The following GML variants were observed in gnomAD, a reference collection of about 807,000 sequenced individuals.
GML encodes glycosylphosphatidylinositol anchored molecule like, also known as glycosyl-phosphatidylinositol-anchored molecule-like protein.
Under a neutral mutation model 8.2 loss-of-function variants are expected in GML, and 5 were observed. The ratio of observed to expected loss-of-function variants is 0.61; its 90% CI spans 0.32 to 1.28. The LOEUF (loss-of-function observed/expected upper bound fraction) is 1.28, where lower values mean the gene tolerates loss of function less well. GML is among the 50% of genes most tolerant of loss of function. The pLI is 0.06. For synonymous variants in GML, 72 were observed against 69.0 expected (o/e 1.04, Z -0.22); for missense variants, 191 against 198.3 (o/e 0.96, Z 0.22).
chr8:142,835,654 T>C (rs1816329593), intron 1 of GML, among the ~76,000 whole-genome samples: 1 of 152,226 alleles, frequency 6.6e-6, no homozygotes, highest in Admixed American at 6.5e-5. Context: ...TATTTCTTAT[T>C]TGGAGGTGTG....
intron 1 of GML, among the ~76,000 whole-genome samples, chr8:142,837,443 G>A (rs992121451): frequency 4.6e-5 from 7 of 152,044 alleles, no homozygotes; most frequent in African/African-American, 1.7e-4. Flanking sequence ...GTGAACCGAG[G>A]CTTAGAGTTG....
chr8:142,839,817 A>G (rs930660997), intron 1 of GML, among the ~76,000 whole-genome samples: 7 of 151,658 alleles, frequency 4.6e-5, no homozygotes, highest in African/African-American at 1.7e-4. Flanking sequence ...GGTGCCCCAG[A>G]CCCTCCCCTT....
chr8:142,837,161 G>T (rs1196365772), intron 1 of GML, among the ~76,000 whole-genome samples: 2 of 152,068 alleles, frequency 1.3e-5, no homozygotes, highest in African/African-American at 2.4e-5. Flanking sequence ...GGGCGTAGTG[G>T]CGTGCGCCCA....
chr8:142,842,200 G>A (rs1586544909), intron 3 of GML, among the ~76,000 whole-genome samples: 1 of 152,268 alleles, frequency 6.6e-6, no homozygotes, highest in African/African-American at 2.4e-5. Context: ...TGAAGCATGT[G>A]TTTGCTACCC....
At chr8:142,839,136 A>T (rs1311953644) in intron 1 of GML, among the ~76,000 whole-genome samples, 1 of 152,150 alleles carries the variant, frequency 6.6e-6, no homozygotes. Context: ...CAGGGAAAGC[A>T]GGCACGACAG....
chr8:142,839,778 A>G (rs1203686608), intron 1 of GML, among the ~76,000 whole-genome samples: 1 of 152,142 alleles, frequency 6.6e-6, no homozygotes, highest in Non-Finnish European at 1.5e-5. Context: ...TTCTGAGCCC[A>G]CAGTGCTGGC....
At chr8:142,840,569 G>T in intron 2 of GML, 59 bp downstream of exon 2, 1 of 1,224,802 alleles carries the variant, frequency 8.2e-7, no homozygotes, top group Non-Finnish European at 1.2e-6. Context: ...GGGGTGCTGG[G>T]GGTCACTGGG....
At chr8:142,836,834 T>A (rs1047317991) in intron 1 of GML, among the ~76,000 whole-genome samples, 3 of 151,326 alleles carry the variant, frequency 2.0e-5, no homozygotes, top group Non-Finnish European at 4.4e-5. Context: ...TGAAGCCATC[T>A]TGAGCGGTGC....
At chr8:142,839,791 C>T (rs567383062) in intron 1 of GML, among the ~76,000 whole-genome samples, 1 of 152,268 alleles carries the variant, frequency 6.6e-6, no homozygotes, top group East Asian at 1.9e-4. Context: ...GTGCTGGCAT[C>T]AGGACTCAGG....
chr8:142,846,257 C>G, intron 3 of GML, 138 bp from the exon 4 acceptor site: 1 of 625,622 alleles, frequency 1.6e-6, no homozygotes, highest in Non-Finnish European at 2.8e-6. Context: ...GTCAAGTGTT[C>G]TAGACAATTT....
intron 1 of GML, among the ~76,000 whole-genome samples, chr8:142,840,012 C>T (rs1049091720): frequency 6.8e-6 from 1 of 146,958 alleles, no homozygotes; most frequent in African/African-American, 2.7e-5. Context: ...GAGCGGGAAG[C>T]GCGTCAGTGG....
At chr8:142,841,537 A>G (rs1816434744) in intron 3 of GML, among the ~76,000 whole-genome samples, 1 of 152,150 alleles carries the variant, frequency 6.6e-6, no homozygotes, top group African/African-American at 2.4e-5. Flanking sequence ...TAGACACCCC[A>G]TGCTGCCTGG....
At chr8:142,841,500 A>T (rs778360639) in intron 3 of GML, among the ~76,000 whole-genome samples, 26 of 152,198 alleles carry the variant, frequency 1.7e-4, no homozygotes, top group Non-Finnish European at 2.9e-4. Context: ...TGGACCTCAG[A>T]GCCTCTACTG....
intron 1 of GML, among the ~76,000 whole-genome samples, chr8:142,836,727 A>C (rs1192242604): frequency 6.6e-6 from 1 of 152,100 alleles, no homozygotes; most frequent in Non-Finnish European, 1.5e-5. Flanking sequence ...GAAGGCCTGG[A>C]CTACTGGCTT....
chr8:142,843,255 T>TACACACACACACACACACACAC (rs55778635), intron 3 of GML, among the ~76,000 whole-genome samples: 202 of 140,092 alleles, frequency 1.4e-3, no homozygotes, highest in East Asian at 5.7e-3. Context: ...AAAAGGTTCA[T>TACACACACACACACACACACAC]ACACACACAC....
At chr8:142,836,633 C>A (rs377406593) in intron 1 of GML, among the ~76,000 whole-genome samples, 1 of 152,116 alleles carries the variant, frequency 6.6e-6, no homozygotes, top group Non-Finnish European at 1.5e-5. Context: ...TCTTGCGTTG[C>A]GTACAAAATA....
Position 142,846,526 on chromosome 8 carries a change from T to C in GML, c.313T>C (p.Cys105Arg), listed in dbSNP as rs1422126429. 6.2e-7 allele frequency: 1 copy of C among 1,613,998 alleles called. No individual in the cohort carries two copies. Among genetic ancestry groups the C allele is most frequent in the East Asian group, 2.2e-5 (1 of 44,896 alleles). Reference sequence around the variant, plus strand: ...TAATAGCTTCTACTGGGTTTGTTGTTGTAATAGCATGGTTTGCAATGCAGG... The same window carrying C: ...TAATAGCTTCTACTGGGTTTGTTGTCGTAATAGCATGGTTTGCAATGCAGG... ...KTNSFYWVCC[C>R]NSMVCNAGGP... is the part of the protein sequence containing the mutation. The change falls in exon 4 of 4, where the codon TGT becomes CGT. Residue 105 changes from cysteine (C) to arginine (R), a missense_variant. Cys to Arg is a radical substitution (Grantham distance 180, BLOSUM62 -3). Coordinates refer to ENST00000220940, the MANE Select transcript of GML (RefSeq NM_002066.3).
chr8:142,843,855 G>A (rs1816469903), intron 3 of GML, among the ~76,000 whole-genome samples: 1 of 152,160 alleles, frequency 6.6e-6, no homozygotes, highest in Admixed American at 6.5e-5. Flanking sequence ...ACATGGAATT[G>A]TACACTATAC....
At position 142,844,964 on chromosome 8, in the gene GML, T is replaced by G. The variant is rs3753121; in HGVS notation, c.182-1431T>G. ...TAAAAAAGCTTATACAGGCTCACCT[T>G]AAGGCAAATACAAGACAAGAGTATT... On this transcript the variant is annotated intron_variant, in intron 3 of 3. Coordinates refer to ENST00000220940, the MANE Select transcript of GML (RefSeq NM_002066.3). 3.3e-5 allele frequency among the ~76,000 whole-genome samples: 5 copies of G among 152,096 alleles called. No individual in the cohort carries two copies. In the South Asian group the frequency reaches 1.0e-3, roughly 31 times the overall value.
Sources: allele counts gnomAD v4.1 joint callset (sites outside exome capture counted in the v4.1 genomes callset), GRCh38; gene constraint gnomAD v4.1.1; transcripts MANE v1.5; gene names NCBI Gene and HGNC (gene_info 2026-07-23, HGNC 2026-07-21).